The following LRP5 variants were observed in gnomAD, a reference collection of about 807,000 sequenced individuals.
LRP5 encodes low-density lipoprotein receptor-related protein 5.
Under a neutral mutation model 154.1 loss-of-function variants are expected in LRP5, and 62 were observed. The observed-to-expected ratio is 0.40, with a 90% CI of 0.33 to 0.50. The LOEUF (loss-of-function observed/expected upper bound fraction) is 0.50. Ranked by LOEUF, LRP5 falls within the 20% of genes least tolerant of loss-of-function variation. The probability of loss-of-function intolerance (pLI) is 0.55; values close to 1 mark genes in which losing one functional copy is unlikely to be tolerated. For synonymous variants in LRP5, 966 were observed against 1,011.5 expected, an observed-to-expected ratio of 0.96 and a Z score of 0.85; for missense variants, 1,915 against 2,336.7, an observed-to-expected ratio of 0.82 and a Z score of 3.72.
chr11:68,435,356 G>C (rs2098674283), intron 18 of LRP5, among the ~76,000 whole-genome samples: 1 of 152,206 alleles, frequency 6.6e-6, no homozygotes, highest in South Asian at 2.1e-4. Context: ...TCTGGCTCAT[G>C]GTTCTGTAGG....
chr11:68,426,923 G>A (rs1241862141), intron 16 of LRP5, among the ~76,000 whole-genome samples: 3 of 152,172 alleles, frequency 2.0e-5, no homozygotes, highest in Non-Finnish European at 4.4e-5. Flanking sequence ...TTTTCTCTCT[G>A]GTTATTGGTC....
intron 13 of LRP5, among the ~76,000 whole-genome samples, chr11:68,421,713 TGTGTGTGTGTG>T (rs879487618): frequency 0.011 from 1,639 of 143,092 alleles, 14 homozygotes; most frequent in Middle Eastern, 0.033. Flanking sequence ...TGTGTGTGTG[TGTGTGTGTGTG>T]GTGTGTGTGT....
chr11:68,323,397 CAAGCCT>C (rs1258028931), intron 1 of LRP5, among the ~76,000 whole-genome samples: 1 of 152,046 alleles, frequency 6.6e-6, no homozygotes, highest in Non-Finnish European at 1.5e-5. Context: ...CGTGAGCCAC[CAAGCCT>C]GGCTTGGTGC....
Position 68,423,096 on chromosome 11 carries a change from G to A in LRP5, c.3028-393G>A, listed in dbSNP as rs1391123578. Among the ~76,000 whole-genome samples the A allele has an allele frequency of 6.6e-6, 1 of 152,266 alleles. No individual in the cohort carries two copies. Among genetic ancestry groups the A allele is most frequent in the African/African-American group, 2.4e-5 (1 of 41,554 alleles). On this transcript the variant is annotated intron_variant, in intron 13 of 22. Transcript: ENST00000294304. The surrounding 1 kb of genome is among the most constrained non-coding windows in gnomAD (Gnocchi z 4.7). Reference sequence around the variant, plus strand: ...GCCCCATGGTCTTGGATCCCTTCTCGACTGTCAATGGGGCCTTCATGGGAG... The same window carrying A: ...GCCCCATGGTCTTGGATCCCTTCTCAACTGTCAATGGGGCCTTCATGGGAG...
In LRP5 at chr11:68,426,478, G is replaced by T. The variant is rs191393942; in HGVS notation, c.3637+291G>T. ...CTTGCTCTGTTGCCCAGGCTGGGGT[G>T]CCCTGGTGCAAACACAGTTCACTGC... On this transcript the variant is annotated intron_variant, in intron 16 of 22. Coordinates refer to ENST00000294304, the MANE Select transcript of LRP5 (RefSeq NM_002335.4). Among the ~76,000 whole-genome samples, 36 of 147,756 alleles carry T rather than the reference G, an allele frequency of 2.4e-4. No individual in the cohort carries two copies. The East Asian group carries it at 5.2e-3, about 21-fold the overall frequency.
At chr11:68,336,610 A>C (rs2098605841) in intron 1 of LRP5, among the ~76,000 whole-genome samples, 1 of 152,102 alleles carries the variant, frequency 6.6e-6, no homozygotes, top group African/African-American at 2.4e-5. Flanking sequence ...CTGGGATTAC[A>C]GGCATGCACC....
At chr11:68,438,298 C>G (rs973466306) in intron 19 of LRP5, 148 bp from the exon 20 acceptor site, 52 of 824,538 alleles carry the variant, frequency 6.3e-5, no homozygotes, top group Admixed American at 1.4e-4. Flanking sequence ...CCAGGCTCCC[C>G]AGGCCTAGCC....
At chr11:68,389,628 TTACTGACACTGACATC>T (rs1207463194) in intron 6 of LRP5, among the ~76,000 whole-genome samples, 1 of 149,538 alleles carries the variant, frequency 6.7e-6, no homozygotes, top group Non-Finnish European at 1.5e-5. Context: ...ACACTGACAT[TTACTGACACTGACATC>T]TACTGATACT....
At chr11:68,350,202 A>G (rs2098617114) in intron 2 of LRP5, among the ~76,000 whole-genome samples, 1 of 152,164 alleles carries the variant, frequency 6.6e-6, no homozygotes, top group Non-Finnish European at 1.5e-5. Context: ...ACACCTGGCT[A>G]GGTTTTGTAT....
chr11:68,309,918 T>C (rs2098586766), upstream of LRP5, among the ~76,000 whole-genome samples: 1 of 152,212 alleles, frequency 6.6e-6, no homozygotes, highest in African/African-American at 2.4e-5. Context: ...GTGCCTTCTT[T>C]ATAAATGTAG....
At chr11:68,405,030 C>T (rs1043182975) in intron 8 of LRP5, among the ~76,000 whole-genome samples, 6 of 150,518 alleles carry the variant, frequency 4.0e-5, no homozygotes, top group South Asian at 4.2e-4. Context: ...TGTGGTATCA[C>T]GCGCCTATAA....
At chr11:68,311,343 C>T (rs1485459470), upstream of LRP5, among the ~76,000 whole-genome samples, 4 of 152,236 alleles carry the variant, frequency 2.6e-5, no homozygotes, top group East Asian at 1.9e-4. Context: ...GTTCCTCCCC[C>T]GAATCCAGCG....
rs187788413 is a variant in LRP5 at position 68,321,162 on chromosome 11, A to G, written c.91+8357A>G. ...GTGGGATGGTCCATCCTATCCATTC[A>G]TTGTAAATGCTGCTCTTTTATGTGT... is the stretch of plus-strand genomic sequence containing the variant. On this transcript the variant is annotated intron_variant, in intron 1 of 22. Transcript: ENST00000294304. 3.9e-3 allele frequency among the ~76,000 whole-genome samples: 575 copies of G among 146,188 alleles called. 1 individual carries two copies. The highest frequency in any genetic ancestry group is 6.9e-3 in the Non-Finnish European group (468 of 67,476).
In LRP5 at chr11:68,389,872, C is replaced by T. The variant is rs757365283; in HGVS notation, c.1413-9C>T. ...CTCATGGGGTCATGGACTTCTGCTT[C>T]TTCTCCAGCCTCATGTACTGGACAG... On this transcript the variant is annotated splice_polypyrimidine_tract_variant and intron_variant, in intron 6 of 22. Transcript: ENST00000294304. The T allele has an allele frequency of 6.2e-7, 1 of 1,614,260 alleles. No homozygotes were observed.
At chr11:68,414,033 CG>C in intron 12 of LRP5, 21 bp downstream of exon 12, 2 of 1,596,244 alleles carry the variant, frequency 1.3e-6, no homozygotes, top group Non-Finnish European at 1.7e-6. Flanking sequence ...CATGGTCCCC[CG>C]CACCTCACTC....
intron 1 of LRP5, among the ~76,000 whole-genome samples, chr11:68,323,781 C>T (rs1281984732): frequency 1.3e-5 from 2 of 152,186 alleles, no homozygotes; most frequent in Non-Finnish European, 2.9e-5. Flanking sequence ...TTAATGCGTT[C>T]TCAAGAATTT....
the LRP5 span, among the ~76,000 whole-genome samples, chr11:68,304,312 T>G: frequency 6.6e-6 from 1 of 152,262 alleles, no homozygotes; most frequent in Non-Finnish European, 1.5e-5. Context: ...CCATACACCT[T>G]GGCAGCTTCC....
chr11:68,424,691 G>A (rs867241465), intron 14 of LRP5, among the ~76,000 whole-genome samples: 10 of 152,196 alleles, frequency 6.6e-5, no homozygotes, highest in Admixed American at 1.3e-4. Context: ...AGGGCCCTGC[G>A]CCCTCTGAAG....
intron 7 of LRP5, among the ~76,000 whole-genome samples, chr11:68,399,971 T>A (rs2098651723): frequency 1.3e-5 from 2 of 152,204 alleles, no homozygotes; most frequent in South Asian, 4.1e-4. Flanking sequence ...GGGTGGAAAG[T>A]AGGGGGCTTG....
Sources: gnomAD v4.1 joint callset for allele counts (sites outside exome capture counted in the v4.1 genomes callset) on GRCh38, gnomAD v4.1.1 for gene constraint, Gnocchi (gnomAD v3.1) non-coding constraint, MANE v1.5 for transcripts, NCBI Gene and HGNC (gene_info 2026-07-23, HGNC 2026-07-21) for gene names.